The following THSD7B variants were observed in gnomAD, a reference collection of about 807,000 sequenced individuals.
THSD7B encodes thrombospondin type-1 domain-containing protein 7B.
THSD7B carries 138 observed loss-of-function variants against 213.6 expected under a neutral mutation model. The ratio of observed to expected loss-of-function variants is 0.65; its 90% CI spans 0.56 to 0.74. The LOEUF (loss-of-function observed/expected upper bound fraction) is 0.74. Among genes scored for constraint, THSD7B ranks in the 30% least tolerant of loss-of-function variants. The pLI is 0.00. For missense variants in THSD7B, 1,931 were observed against 1,991.5 expected, an observed-to-expected ratio of 0.97 and a Z score of 0.58; for synonymous variants, 742 against 687.0, an observed-to-expected ratio of 1.08 and a Z score of -1.25.
chr2:137,046,325 T>C (rs1379694877), intron 2 of THSD7B, among the ~76,000 whole-genome samples: 5 of 152,114 alleles, frequency 3.3e-5, no homozygotes, highest in African/African-American at 7.2e-5. Flanking sequence ...TGTAGGAGAA[T>C]AAAGTACTAT....
At chr2:137,443,854 T>A (rs891725530) in intron 14 of THSD7B, among the ~76,000 whole-genome samples, 1 of 151,960 alleles carries the variant, frequency 6.6e-6, no homozygotes, top group Non-Finnish European at 1.5e-5. Context: ...AAAAAGTGAG[T>A]TTTAAGGAAT....
At chr2:137,612,212 T>G (rs1256713496) in intron 17 of THSD7B, among the ~76,000 whole-genome samples, 1 of 152,154 alleles carries the variant, frequency 6.6e-6, no homozygotes, top group Non-Finnish European at 1.5e-5. Flanking sequence ...TAGTCCCAAA[T>G]TATAATGGTT....
intron 26 of THSD7B, among the ~76,000 whole-genome samples, chr2:137,666,211 C>T (rs1683443083): frequency 6.6e-6 from 1 of 152,032 alleles, no homozygotes; most frequent in Admixed American, 6.6e-5. Context: ...GCACTGGATC[C>T]TCCCAATGCA....
At chr2:137,466,138 A>G (rs542048002) in intron 15 of THSD7B, among the ~76,000 whole-genome samples, 2 of 152,292 alleles carry the variant, frequency 1.3e-5, no homozygotes, top group South Asian at 4.1e-4. Context: ...TTTGTAGCAA[A>G]CAGTAATTTG....
chr2:136,934,164 T>C (rs1216064543), intron 2 of THSD7B, among the ~76,000 whole-genome samples: 1 of 152,228 alleles, frequency 6.6e-6, no homozygotes, highest in East Asian at 1.9e-4. Context: ...TCTTGAGTTT[T>C]TTTCCAGAAA....
chr2:137,135,695 C>A (rs1352426067), intron 5 of THSD7B, among the ~76,000 whole-genome samples: 2 of 152,158 alleles, frequency 1.3e-5, no homozygotes, highest in Non-Finnish European at 2.9e-5. Context: ...TTGGTCCCTA[C>A]TTTTAACCCA....
chr2:137,132,222 A>G (rs1410530466), intron 5 of THSD7B, among the ~76,000 whole-genome samples: 1 of 151,248 alleles, frequency 6.6e-6, no homozygotes, highest in East Asian at 1.9e-4. Flanking sequence ...ATTTTTGTAC[A>G]TTGATTTTGT....
intron 12 of THSD7B, among the ~76,000 whole-genome samples, chr2:137,276,452 G>A (rs1682874032): frequency 6.6e-6 from 1 of 151,964 alleles, no homozygotes; most frequent in African/African-American, 2.4e-5. Flanking sequence ...AATGATCATA[G>A]GATATGTCTT....
chr2:137,242,914 G>GTGTC (rs1388081120), intron 10 of THSD7B, among the ~76,000 whole-genome samples: 1 of 152,074 alleles, frequency 6.6e-6, no homozygotes, highest in Non-Finnish European at 1.5e-5. Context: ...TGGCTCTTGT[G>GTGTC]TGTCTGGACC....
rs541418672 is a variant in THSD7B, at chr2:137,419,554, A to T, written c.2959+7682A>T. ...CTGGGTCCAGGGCTTTTATGTGTTC[A>T]GAATGGGGCGTGTGTACTGATTGGT... On this transcript the variant is annotated intron_variant, in intron 14 of 27. Coordinates refer to ENST00000409968, the MANE Select transcript of THSD7B (RefSeq NM_001316349.2). Among the ~76,000 whole-genome samples the T allele has an allele frequency of 2.6e-5, 4 of 151,738 alleles. No homozygotes were observed. In the South Asian group the frequency reaches 8.4e-4, roughly 32 times the overall value.
intron 15 of THSD7B, among the ~76,000 whole-genome samples, chr2:137,452,414 G>T (rs961559144): frequency 1.3e-5 from 2 of 152,044 alleles, no homozygotes; most frequent in East Asian, 3.9e-4. Flanking sequence ...TACAAAGAAA[G>T]AAATAATGCA....
At chr2:137,404,470 T>TACACACACAC (rs1188350163) in intron 12 of THSD7B, among the ~76,000 whole-genome samples, 38 of 62,510 alleles carry the variant, frequency 6.1e-4, no homozygotes, top group African/African-American at 2.2e-3. Context: ...TATATATATA[T>TACACACACAC]ATATACACAC....
At chr2:137,139,779 A>T (rs1679545484) in intron 5 of THSD7B, among the ~76,000 whole-genome samples, 1 of 152,134 alleles carries the variant, frequency 6.6e-6, no homozygotes, top group South Asian at 2.1e-4. Flanking sequence ...ACTCTTGCTG[A>T]GATTCTGCTG....
intron 17 of THSD7B, among the ~76,000 whole-genome samples, chr2:137,588,862 T>G (rs1364410786): frequency 1.3e-5 from 2 of 152,114 alleles, no homozygotes; most frequent in East Asian, 3.8e-4. Context: ...CTAAGCTCAC[T>G]GCAACCTCCA....
At chr2:137,484,062 C>T (rs1298821840) in intron 15 of THSD7B, among the ~76,000 whole-genome samples, 1 of 151,588 alleles carries the variant, frequency 6.6e-6, no homozygotes, top group Admixed American at 6.6e-5. Context: ...GGTACATGTG[C>T]ACAATGTGCA....
chr2:137,548,613 A>AG (rs1383157431), intron 15 of THSD7B, among the ~76,000 whole-genome samples: 1 of 152,006 alleles, frequency 6.6e-6, no homozygotes, highest in Non-Finnish European at 1.5e-5. Flanking sequence ...TTCATACCCC[A>AG]GCTAGCTGCA....
chr2:137,218,406 T>A lies in THSD7B; in HGVS notation c.1724-12638T>A, dbSNP rs1573893172. Among the ~76,000 whole-genome samples, 6 of 152,128 alleles carry A rather than the reference T, an allele frequency of 3.9e-5. No homozygotes were observed. In the East Asian group the frequency reaches 1.2e-3, roughly 29 times the overall value. On this transcript the variant is annotated intron_variant, in intron 7 of 27. Coordinates refer to ENST00000409968, the MANE Select transcript of THSD7B (RefSeq NM_001316349.2). Reference sequence around the variant, plus strand: ...AATATCTCAGCATATATTTTATTTATATTTAAATATATCTTAAGTGAAAGT... The same window carrying A: ...AATATCTCAGCATATATTTTATTTAAATTTAAATATATCTTAAGTGAAAGT...
At chr2:137,048,366 A>T (rs1170616057) in intron 2 of THSD7B, among the ~76,000 whole-genome samples, 1 of 152,168 alleles carries the variant, frequency 6.6e-6, no homozygotes, top group Non-Finnish European at 1.5e-5. Context: ...TTGAAAAAAA[A>T]TGAGATGCAC....
chr2:137,106,338 G>C (rs180787255), intron 4 of THSD7B, among the ~76,000 whole-genome samples: 5 of 152,152 alleles, frequency 3.3e-5, no homozygotes, highest in Non-Finnish European at 5.9e-5. Flanking sequence ...AAACTGGCTA[G>C]CCATATGCAG....
Sources: allele counts gnomAD v4.1 joint callset (sites outside exome capture counted in the v4.1 genomes callset), GRCh38; gene constraint gnomAD v4.1.1; transcripts MANE v1.5; gene names NCBI Gene and HGNC (gene_info 2026-07-23, HGNC 2026-07-21).